Variants in RGS5 observed in about 807,000 individuals in gnomAD.
RGS5 encodes regulator of G-protein signalling 5.
Under a neutral mutation model 18.9 loss-of-function variants are expected in RGS5, and 20 were observed. The observed-to-expected ratio is 1.06, with a 90% confidence interval of 0.74 to 1.54. The LOEUF (loss-of-function observed/expected upper bound fraction) is 1.54. RGS5 is among the 40% of genes most tolerant of loss of function. The probability of loss-of-function intolerance (pLI) is 0.00; values close to 1 mark genes in which losing one functional copy is unlikely to be tolerated. For missense variants in RGS5, 201 were observed against 211.8 expected (o/e 0.95, Z 0.32); for synonymous variants, 57 against 76.2 (o/e 0.75, Z 1.31).
At chr1:163,314,823 C>T (rs938196693) in intron 1 of RGS5, among the ~76,000 whole-genome samples, 10 of 152,092 alleles carry the variant, frequency 6.6e-5, no homozygotes, top group South Asian at 2.1e-4. Context: ...TTCCATTATG[C>T]GAGGGCACAG....
intron 1 of RGS5, among the ~76,000 whole-genome samples, chr1:163,179,119 T>C (rs950082979): frequency 6.6e-6 from 1 of 152,154 alleles, no homozygotes; most frequent in Non-Finnish European, 1.5e-5. Context: ...GAAAGTCAAG[T>C]GGAACATTGA....
intron 1 of RGS5, among the ~76,000 whole-genome samples, chr1:163,320,312 G>A (rs367907008): frequency 6.6e-5 from 10 of 152,230 alleles, no homozygotes; most frequent in South Asian, 2.1e-4. Context: ...TCACAATTTT[G>A]CCAGGCACTT....
At chr1:163,284,760 C>T (rs2101721214) in intron 2 of RGS5, among the ~76,000 whole-genome samples, 1 of 152,072 alleles carries the variant, frequency 6.6e-6, no homozygotes, top group South Asian at 2.1e-4. Context: ...TCTCCAGCTC[C>T]CTCTCTTTGT....
At chr1:163,280,203 TA>T (rs34131896) in intron 2 of RGS5, among the ~76,000 whole-genome samples, 95,462 of 151,106 alleles carry the variant, frequency 0.63, 30,517 homozygotes, top group Non-Finnish European at 0.68. Flanking sequence ...AGGCACAAAT[TA>T]AAAAAAAACA....
chr1:163,287,690 T>C (rs1283719992), intron 2 of RGS5, among the ~76,000 whole-genome samples: 1 of 152,238 alleles, frequency 6.6e-6, no homozygotes, highest in Non-Finnish European at 1.5e-5. Flanking sequence ...TTCTCTTTAA[T>C]ATGACTCCTC....
intron 4 of RGS5, among the ~76,000 whole-genome samples, chr1:163,150,499 ATCT>A (rs1657330417): frequency 1.3e-5 from 2 of 152,188 alleles, no homozygotes; most frequent in Admixed American, 1.3e-4. Flanking sequence ...TGTTAAATTA[ATCT>A]TCTTGTCAAT....
intron 1 of RGS5, among the ~76,000 whole-genome samples, chr1:163,175,664 G>C (rs1265129944): frequency 6.6e-6 from 1 of 152,172 alleles, no homozygotes; most frequent in Non-Finnish European, 1.5e-5. Flanking sequence ...ACCTACTTCA[G>C]TTTGAACTAC....
intron 2 of RGS5, among the ~76,000 whole-genome samples, chr1:163,280,622 A>G (rs1174571040): frequency 6.8e-6 from 1 of 147,280 alleles, no homozygotes; most frequent in Admixed American, 6.8e-5. Context: ...GAGCACAAAA[A>G]AAGTAAAAAA....
rs192402712 is a variant in RGS5, at chr1:163,257,749, C to T, written c.-281+48484G>A. 4.6e-5 allele frequency among the ~76,000 whole-genome samples: 7 copies of T among 152,282 alleles called. No homozygotes were observed. The East Asian group carries it at 1.3e-3, about 29-fold the overall frequency. ...ATATTGTAACACAGCTGGGTCTAAA[C>T]TTCTAATCCAGTTCTTTTTTCTTTT... On this transcript the variant is annotated intron_variant, in intron 2 of 5. Coordinates refer to the RGS5 transcript ENST00000618415.
chr1:163,284,455 A>G (rs1276254504), intron 2 of RGS5, among the ~76,000 whole-genome samples: 1 of 152,158 alleles, frequency 6.6e-6, no homozygotes, highest in East Asian at 1.9e-4. Flanking sequence ...CACTATTTAA[A>G]TATCTTTTTT....
intron 2 of RGS5, chr1:163,162,887 C>T (rs971276157): frequency 1.3e-5 from 2 of 152,122 alleles, no homozygotes; most frequent in African/African-American, 4.8e-5. Flanking sequence ...GTGAGTTCTT[C>T]GTTGCCAAAT....
Position 163,147,760 on chromosome 1 carries a change from C to G in RGS5, c.385-257G>C, listed in dbSNP as rs1203189394. ...CTAACACACACATTACTTATTTAAT[C>G]CTTGACAACAATCCTAAGAATGATT... On this transcript the variant is annotated intron_variant, in intron 4 of 4. Transcript: ENST00000313961. 2.0e-5 allele frequency among the ~76,000 whole-genome samples: 3 copies of G among 150,704 alleles called. No homozygotes were observed. The Admixed American group carries it at 2.0e-4, about 10-fold the overall frequency.
intron 1 of RGS5, among the ~76,000 whole-genome samples, chr1:163,214,881 ATT>A (rs1157160856): frequency 1.3e-5 from 2 of 152,190 alleles, no homozygotes; most frequent in Non-Finnish European, 2.9e-5. Flanking sequence ...AAGATTCTTC[ATT>A]ACTTTGTGGT....
chr1:163,312,995 T>C (rs1299131879), intron 1 of RGS5, among the ~76,000 whole-genome samples: 1 of 152,204 alleles, frequency 6.6e-6, no homozygotes, highest in East Asian at 1.9e-4. Flanking sequence ...TGGTTTACCA[T>C]TCTACTTTCT....
chr1:163,311,571 C>T (rs996634922), intron 1 of RGS5, among the ~76,000 whole-genome samples: 1 of 151,964 alleles, frequency 6.6e-6, no homozygotes, highest in East Asian at 1.9e-4. Flanking sequence ...ATTAATTGGC[C>T]TAATTCAAAT....
chr1:163,148,803 C>T (rs2102379928), intron 4 of RGS5, among the ~76,000 whole-genome samples: 1 of 152,292 alleles, frequency 6.6e-6, no homozygotes, highest in East Asian at 1.9e-4. Context: ...AATCTTTATA[C>T]TCCATGTTGT....
chr1:163,239,748 C>A (rs1647735604), intron 2 of RGS5, among the ~76,000 whole-genome samples: 1 of 152,152 alleles, frequency 6.6e-6, no homozygotes, highest in Non-Finnish European at 1.5e-5. Flanking sequence ...ATTTATATTG[C>A]TGAAACAGTT....
intron 2 of RGS5, among the ~76,000 whole-genome samples, chr1:163,293,836 A>C (rs911770290): frequency 6.6e-6 from 1 of 152,212 alleles, no homozygotes; most frequent in African/African-American, 2.4e-5. Context: ...AAACTGGCCA[A>C]AACAAAGGGG....
Position 163,246,289 on chromosome 1 carries a change from G to A in RGS5, c.-281+59944C>T, listed in dbSNP as rs533460047. Among the ~76,000 whole-genome samples the A allele has an allele frequency of 2.7e-5, 4 of 149,944 alleles. No homozygotes were observed. In the South Asian group the frequency reaches 6.4e-4, roughly 24 times the overall value. On this transcript the variant is annotated intron_variant, in intron 2 of 5. Transcript: ENST00000618415. ...AATAAAAAAGAATAGCCAAGCACAG[G>A]GCCAGGCGTGGTGCCTCACGCCTGT...
Sources: allele counts gnomAD v4.1 joint callset (sites outside exome capture counted in the v4.1 genomes callset), GRCh38; gene constraint gnomAD v4.1.1; transcripts MANE v1.5; gene names NCBI Gene and HGNC (gene_info 2026-07-23, HGNC 2026-07-21).